PDE11A: variants seen among roughly 807,000 people sequenced by gnomAD.
PDE11A encodes phosphodiesterase 11A.
PDE11A carries 100 observed loss-of-function variants against 100.5 expected under a neutral mutation model. The ratio of observed to expected loss-of-function variants is 1.00; its 90% confidence interval spans 0.85 to 1.18. PDE11A has a LOEUF of 1.18. Among genes scored for constraint, PDE11A ranks in the 50% most tolerant of loss-of-function variants. PDE11A has a pLI of 0.00. For synonymous variants in PDE11A, 381 were observed against 420.8 expected, an observed-to-expected ratio of 0.91 and a Z score of 1.16; for missense variants, 1,141 against 1,152.6, an observed-to-expected ratio of 0.99 and a Z score of 0.15.
rs16865869 is a variant in PDE11A at position 177,867,781 on chromosome 2, G to A, written c.1367+8078C>T. 7.3e-3 allele frequency among the ~76,000 whole-genome samples: 1,107 copies of A among 152,270 alleles called. 13 individuals are homozygous for A. The highest frequency in any genetic ancestry group is 0.025 in the African/African-American group (1,028 of 41,554). ...GCAGGGTACAATCATAGTACACTCC[G>A]GAATAAACAAAATCCTCACTCATCA... is the stretch of plus-strand genomic sequence containing the variant. On this transcript the variant is annotated intron_variant, in intron 5 of 19. Coordinates refer to ENST00000286063, the MANE Select transcript of PDE11A (RefSeq NM_016953.4).
rs761976960 is a variant in PDE11A, at chr2:177,840,328, T to C, written c.1423A>G (p.Ile475Val). 6.9e-5 allele frequency: 111 copies of C among 1,613,564 alleles called. No homozygotes were observed. The highest frequency in any genetic ancestry group is 9.2e-5 in the Non-Finnish European group (109 of 1,179,574). The change falls in exon 6 of 20, where the codon ATT becomes GTT. Residue 475 changes from isoleucine to valine, a missense_variant. Transcript: ENST00000286063. Reference sequence around the variant, plus strand: ...CCTGTTGAAGCAACCAGCTCAGCAATGCTGTTATTTATTAGCCAGTCGGAG... The same window carrying C: ...CCTGTTGAAGCAACCAGCTCAGCAACGCTGTTATTTATTAGCCAGTCGGAG... ...SYSDWLINNS[I>V]AELVASTGLP...
chr2:177,999,778 T>C (rs1574333266), intron 2 of PDE11A, among the ~76,000 whole-genome samples: 1 of 152,370 alleles, frequency 6.6e-6, no homozygotes, highest in East Asian at 1.9e-4. Context: ...TTTTAAATTC[T>C]CTCCAGTGAG....
At chr2:177,785,955 G>A (rs1322395457) in intron 9 of PDE11A, among the ~76,000 whole-genome samples, 1 of 152,222 alleles carries the variant, frequency 6.6e-6, no homozygotes, top group African/African-American at 2.4e-5. Flanking sequence ...ACTTCTGGGG[G>A]CAGGGCACAG....
intron 5 of PDE11A, among the ~76,000 whole-genome samples, chr2:177,843,071 G>A (rs188046931): frequency 6.6e-4 from 101 of 152,264 alleles, no homozygotes; most frequent in Non-Finnish European, 1.1e-3. Context: ...AAATTTTAAG[G>A]AAGAAAAACT....
chr2:177,859,614 A>G (rs561457898), intron 5 of PDE11A, among the ~76,000 whole-genome samples: 2 of 152,020 alleles, frequency 1.3e-5, no homozygotes, highest in African/African-American at 4.8e-5. Flanking sequence ...ACTATAAAAC[A>G]ACTAGACCTA....
At chr2:177,754,767 C>CTT (rs1395393448) in intron 10 of PDE11A, among the ~76,000 whole-genome samples, 8 of 152,220 alleles carry the variant, frequency 5.3e-5, no homozygotes, top group Admixed American at 4.6e-4. Context: ...CTGGAGAGAG[C>CTT]TGTTTGGATA....
At chr2:177,966,437 T>C (rs2105793378) in intron 2 of PDE11A, among the ~76,000 whole-genome samples, 1 of 152,334 alleles carries the variant, frequency 6.6e-6, no homozygotes, top group African/African-American at 2.4e-5. Flanking sequence ...TCAAGGGGAA[T>C]ACTTCCAGTT....
intron 3 of PDE11A, 147 bp from the exon 4 acceptor site, chr2:177,898,345 T>A: frequency 3.1e-6 from 2 of 640,350 alleles, no homozygotes; most frequent in South Asian, 2.0e-5. Context: ...TGTTTTGACA[T>A]ATTTTTATCT....
intron 19 of PDE11A, among the ~76,000 whole-genome samples, chr2:177,661,430 C>T (rs372901406): frequency 5.3e-5 from 8 of 152,186 alleles, no homozygotes; most frequent in African/African-American, 1.7e-4. Flanking sequence ...GGTGTTGTGT[C>T]TTCCTACAAA....
intron 2 of PDE11A, among the ~76,000 whole-genome samples, chr2:178,006,616 A>G (rs903351552): frequency 6.6e-6 from 1 of 152,168 alleles, no homozygotes; most frequent in Non-Finnish European, 1.5e-5. Context: ...TTTTCCCATA[A>G]ATCTTGGTTG....
At position 177,624,177 on chromosome 2, in the gene PDE11A, T is replaced by C. The variant is rs2079800004; in HGVS notation, c.*5230A>G. On this transcript the variant is annotated 3_prime_UTR_variant, in exon 20 of 20. Coordinates refer to ENST00000286063, the MANE Select transcript of PDE11A (RefSeq NM_016953.4). ...CTCTGAAGCAGATAATGAAACTTCA[T>C]TACAGTGGCATTGCCAGAGTTTTTA... 1 of 152,114 alleles carries C rather than the reference T, an allele frequency of 6.6e-6. No individual in the cohort carries two copies. The highest frequency in any genetic ancestry group is 6.5e-5 in the Admixed American group (1 of 15,268). 9.4% of individuals were successfully genotyped at this position (152,114 alleles called of 1,614,324 possible).
intron 1 of PDE11A, among the ~76,000 whole-genome samples, chr2:178,030,300 TA>T (rs954308059): frequency 6.6e-6 from 1 of 151,880 alleles, no homozygotes; most frequent in Non-Finnish European, 1.5e-5. Context: ...TTAGATGAAA[TA>T]AATAGATAAA....
chr2:178,005,335 T>A (rs946098059), intron 2 of PDE11A, among the ~76,000 whole-genome samples: 9 of 152,104 alleles, frequency 5.9e-5, no homozygotes, highest in African/African-American at 2.2e-4. Context: ...AGAAAAAAAT[T>A]GAATAATCTA....
chr2:177,827,894 T>C (rs1212589257), intron 6 of PDE11A, among the ~76,000 whole-genome samples: 1 of 152,190 alleles, frequency 6.6e-6, no homozygotes, highest in African/African-American at 2.4e-5. Context: ...CAGACAATGC[T>C]CCTAGTTGGA....
chr2:177,639,405 T>C (rs1410883019), intron 19 of PDE11A, among the ~76,000 whole-genome samples: 2 of 152,148 alleles, frequency 1.3e-5, no homozygotes, highest in Admixed American at 1.3e-4. Context: ...CAAGGCCTTT[T>C]ATCTTTGTAT....
Position 177,938,290 on chromosome 2 carries a change from A to G in PDE11A, c.1072-33103T>C, listed in dbSNP as rs138245403. Reference sequence around the variant, plus strand: ...GGAAAAGACTTATCATCACACATGGAAACTCCACAGTAAGGAGGTAGGGTT... The same window carrying G: ...GGAAAAGACTTATCATCACACATGGGAACTCCACAGTAAGGAGGTAGGGTT... On this transcript the variant is annotated intron_variant, in intron 2 of 19. Coordinates refer to ENST00000286063, the MANE Select transcript of PDE11A (RefSeq NM_016953.4). 2.7e-3 allele frequency among the ~76,000 whole-genome samples: 417 copies of G among 152,300 alleles called. 6 individuals carry two copies. The highest frequency in any genetic ancestry group is 9.8e-3 in the African/African-American group (407 of 41,568).
chr2:178,043,274 T>C (rs1206935368), intron 1 of PDE11A, among the ~76,000 whole-genome samples: 1 of 152,172 alleles, frequency 6.6e-6, no homozygotes, highest in Non-Finnish European at 1.5e-5. Flanking sequence ...ATAGCATGAA[T>C]TCCCCAGGAA....
intron 1 of PDE11A, chr2:178,018,583 T>C (rs915005101): frequency 2.8e-5 from 9 of 325,994 alleles, no homozygotes; most frequent in African/African-American, 1.1e-4. Flanking sequence ...GATAAGTTCA[T>C]TGTTGAGACA....
At chr2:177,767,630 TTACA>T in intron 10 of PDE11A, among the ~76,000 whole-genome samples, 2 of 152,182 alleles carry the variant, frequency 1.3e-5, no homozygotes, top group South Asian at 4.1e-4. Context: ...TGTATAAAAT[TTACA>T]TACATTAAGT....
Sources: gnomAD v4.1 joint callset for allele counts (sites outside exome capture counted in the v4.1 genomes callset) on GRCh38, gnomAD v4.1.1 for gene constraint, MANE v1.5 for transcripts, NCBI Gene and HGNC (gene_info 2026-07-23, HGNC 2026-07-21) for gene names.